Variants in IQCH observed in about 807,000 individuals in gnomAD.
The protein encoded by IQCH is IQ domain-containing protein H.
A neutral mutation model predicts 117.0 loss-of-function variants in IQCH; 98 were observed. The ratio of observed to expected loss-of-function variants is 0.84; its 90% CI spans 0.71 to 0.99. The LOEUF (loss-of-function observed/expected upper bound fraction) is 0.99, where lower values mean the gene tolerates loss of function less well. Ranked by LOEUF, IQCH falls within the 50% of genes least tolerant of loss-of-function variation. IQCH has a pLI of 0.00. For synonymous variants in IQCH, 412 were observed against 448.2 expected, an observed-to-expected ratio of 0.92 and a Z score of 1.02; for missense variants, 1,102 against 1,243.8, an observed-to-expected ratio of 0.89 and a Z score of 1.72.
rs542447288 is a variant in IQCH at position 67,348,495 on chromosome 15, C to T, written c.637+4304C>T. 8.1e-4 allele frequency among the ~76,000 whole-genome samples: 123 copies of T among 151,594 alleles called. 1 individual carries two copies. Among genetic ancestry groups the T allele is most frequent in the African/African-American group, 2.6e-3 (106 of 41,286 alleles). ...TTGTTAGAAATGAACAATTGGAAAT[C>T]GAATATTAAAAAAATACCATTAACA... On this transcript the variant is annotated intron_variant, in intron 6 of 20. Transcript: ENST00000335894.
In IQCH at chr15:67,411,162, T is replaced by A. The variant is rs918503425; in HGVS notation, c.2098-5769T>A. 2.6e-5 allele frequency among the ~76,000 whole-genome samples: 4 copies of A among 152,108 alleles called. No individual in the cohort carries two copies. Among genetic ancestry groups the A allele is most frequent in the African/African-American group, 7.2e-5 (3 of 41,422 alleles). On this transcript the variant is annotated intron_variant, in intron 14 of 20. Transcript: ENST00000335894. The surrounding 1 kb of genome is among the most constrained non-coding windows in gnomAD (Gnocchi z 4.4). ...AGCCCTTCTAAATTCACCCTCAAATTTGGAACCCCTCCCTTCTCTCAATCT... is the reference window on the plus strand; with the variant it reads ...AGCCCTTCTAAATTCACCCTCAAATATGGAACCCCTCCCTTCTCTCAATCT...
At position 67,279,439 on chromosome 15, in the gene IQCH, A is replaced by G. The variant is rs376226738; in HGVS notation, c.314A>G (p.Gln105Arg). ...VIDQKSFIFP[Q>R]ESEGTFWQPQ... ...GATCAGAAATCATTTATTTTCCCTC[A>G]GGAATCTGAGGGTACATTTTGGCAA... is the stretch of plus-strand genomic sequence containing the variant. Residue 105 changes from glutamine (Q) to arginine (R), a missense_variant, in exon 4 of 21, where the codon CAG (glutamine) becomes CGG (arginine). By Grantham distance (43) the Gln-to-Arg change is conservative (BLOSUM62 1). This residue lies in a region of IQCH where 452 missense variants were observed against 449.6 expected (regional missense o/e 1.01). Coordinates refer to ENST00000335894, the MANE Select transcript of IQCH (RefSeq NM_001031715.3). The G allele has an allele frequency of 9.3e-6, 15 of 1,609,742 alleles. No individual in the cohort carries two copies. Among genetic ancestry groups the G allele is most frequent in the Non-Finnish European group, 1.3e-5 (15 of 1,177,244 alleles).
chr15:67,372,237 G>C lies in IQCH; in HGVS notation c.880G>C (p.Ala294Pro). The part of the protein sequence containing the change: ...FLAFKEHFSL[A>P]WGGIFSLLEH... ...AGCATTCAAGGAACATTTTAGCTTA[G>C]CTTGGGGAGGTATTTTTTCTCTCTT... The change falls in exon 9 of 21, where the codon GCT becomes CCT. Residue 294 changes from alanine to proline, a missense_variant. Physicochemically the swap from Ala to Pro is conservative, Grantham distance 27 (BLOSUM62 -1). Transcript: ENST00000335894. 3 of 1,614,050 alleles carry C rather than the reference G, an allele frequency of 1.9e-6. No homozygotes were observed. The highest frequency in any genetic ancestry group is 2.5e-6 in the Non-Finnish European group (3 of 1,180,000).
chr15:67,350,932 G>A (rs1969632743), intron 6 of IQCH, among the ~76,000 whole-genome samples: 1 of 152,188 alleles, frequency 6.6e-6, no homozygotes, highest in Non-Finnish European at 1.5e-5. Context: ...AGCTGGAGAA[G>A]TGGAATTCTA....
At chr15:67,400,963 A>G (rs1327826198) in intron 14 of IQCH, among the ~76,000 whole-genome samples, 2 of 152,184 alleles carry the variant, frequency 1.3e-5, no homozygotes, top group Non-Finnish European at 2.9e-5. Flanking sequence ...TGTTGTTGTT[A>G]AGCTAGCTGT....
chr15:67,285,723 GC>G (rs1315299679), intron 4 of IQCH, among the ~76,000 whole-genome samples: 1 of 152,044 alleles, frequency 6.6e-6, no homozygotes, highest in East Asian at 1.9e-4. Context: ...TTTCCCTGTT[GC>G]CTTTTTTTGT....
intron 20 of IQCH, among the ~76,000 whole-genome samples, chr15:67,499,297 C>CAAA (rs59618730): frequency 0.47 from 23,490 of 49,504 alleles, 5,695 homozygotes; most frequent in Non-Finnish European, 0.54. Context: ...AGACCTGTCC[C>CAAA]AAAAAAAAAA....
intron 4 of IQCH, among the ~76,000 whole-genome samples, chr15:67,331,897 A>T (rs926309299): frequency 3.9e-5 from 6 of 152,288 alleles, no homozygotes; most frequent in Admixed American, 3.3e-4. Flanking sequence ...TACACAGATC[A>T]CTTCTGCTTA....
At chr15:67,337,646 T>C (rs951053665) in intron 5 of IQCH, among the ~76,000 whole-genome samples, 2 of 151,592 alleles carry the variant, frequency 1.3e-5, no homozygotes, top group South Asian at 2.1e-4. Context: ...TAAGTGTAGA[T>C]TGAGTGAATA....
At chr15:67,298,454 A>T (rs1966875573) in intron 4 of IQCH, among the ~76,000 whole-genome samples, 2 of 152,188 alleles carry the variant, frequency 1.3e-5, no homozygotes, top group Non-Finnish European at 2.9e-5. Context: ...ACTTTTATCT[A>T]AAGACAGGCA....
intron 6 of IQCH, among the ~76,000 whole-genome samples, chr15:67,346,565 A>G (rs1212029174): frequency 2.6e-5 from 4 of 152,190 alleles, no homozygotes; most frequent in African/African-American, 9.7e-5. Context: ...GACAGGAGGC[A>G]TGAACTCAGA....
chr15:67,349,386 A>G (rs1969549048), intron 6 of IQCH, among the ~76,000 whole-genome samples: 1 of 152,190 alleles, frequency 6.6e-6, no homozygotes, highest in African/African-American at 2.4e-5. Flanking sequence ...TGGGAGGCCA[A>G]GTTGGGTGGA....
chr15:67,375,617 A>G (rs919412177), intron 10 of IQCH, among the ~76,000 whole-genome samples: 29 of 152,206 alleles, frequency 1.9e-4, no homozygotes, highest in African/African-American at 6.7e-4. Flanking sequence ...ACAACATGAT[A>G]CCCATTTTAA....
chr15:67,379,478 G>T (rs924917434), intron 10 of IQCH, among the ~76,000 whole-genome samples: 3 of 152,156 alleles, frequency 2.0e-5, no homozygotes, highest in African/African-American at 4.8e-5. Flanking sequence ...TCCCTGAAAG[G>T]TTCTCAGTAT....
intron 4 of IQCH, among the ~76,000 whole-genome samples, chr15:67,319,964 G>A (rs1968035258): frequency 6.6e-6 from 1 of 152,052 alleles, no homozygotes; most frequent in Non-Finnish European, 1.5e-5. Context: ...TTTTTTAATG[G>A]ACCGTATTTG....
At chr15:67,341,579 A>G (rs897368334) in intron 5 of IQCH, among the ~76,000 whole-genome samples, 3 of 152,226 alleles carry the variant, frequency 2.0e-5, no homozygotes, top group Non-Finnish European at 4.4e-5. Flanking sequence ...TGTGAGATAC[A>G]TCATTTCTGA....
At chr15:67,362,719 A>T (rs1267909539) in intron 8 of IQCH, among the ~76,000 whole-genome samples, 1 of 152,210 alleles carries the variant, frequency 6.6e-6, no homozygotes. Flanking sequence ...GAAAGAAGAG[A>T]AGCAAAAGCT....
In IQCH at chr15:67,334,787, C is replaced by T. The variant is rs1968819896; in HGVS notation, c.388-2188C>T. On this transcript the variant is annotated intron_variant, in intron 4 of 20. Transcript: ENST00000335894. ...CAATACAAGCAGGCAGAGTTAATTACTCCCTCTTCTATACTCCTACAGCCC... is the reference window on the plus strand; with the variant it reads ...CAATACAAGCAGGCAGAGTTAATTATTCCCTCTTCTATACTCCTACAGCCC... Among the ~76,000 whole-genome samples, 3 of 152,324 alleles carry T rather than the reference C, an allele frequency of 2.0e-5. No individual in the cohort carries two copies. In the South Asian group the frequency reaches 6.2e-4, roughly 32 times the overall value.
At chr15:67,347,829 A>G (rs1349553042) in intron 6 of IQCH, among the ~76,000 whole-genome samples, 1 of 112,778 alleles carries the variant, frequency 8.9e-6, no homozygotes, top group Non-Finnish European at 2.0e-5. Flanking sequence ...ATATTTATAT[A>G]TAGATATATA....
Sources: gnomAD v4.1 joint callset for allele counts (sites outside exome capture counted in the v4.1 genomes callset) on GRCh38, gnomAD v4.1.1 for gene constraint, gnomAD v4.1.1 regional missense constraint, Gnocchi (gnomAD v3.1) non-coding constraint, MANE v1.5 for transcripts, NCBI Gene and HGNC (gene_info 2026-07-23, HGNC 2026-07-21) for gene names.